Variants in CLASP2 observed in about 807,000 individuals in gnomAD.
The protein encoded by CLASP2 is CLIP-associating protein 2.
In CLASP2, 47 loss-of-function variants were observed where a neutral mutation model predicts 194.4. The ratio of observed to expected loss-of-function variants is 0.24; its 90% CI spans 0.19 to 0.31. CLASP2 has a LOEUF of 0.31. Ranked by LOEUF, CLASP2 falls within the 10% of genes least tolerant of loss-of-function variation. The pLI, the probability that CLASP2 is intolerant of heterozygous loss-of-function variation, is 1.00. For missense variants in CLASP2, 1,445 were observed against 1,823.6 expected, an observed-to-expected ratio of 0.79 and a Z score of 3.78; for synonymous variants, 619 against 633.5, an observed-to-expected ratio of 0.98 and a Z score of 0.34.
chr3:33,500,903 C>T (rs1016873101), intron 38 of CLASP2, among the ~76,000 whole-genome samples: 125 of 152,080 alleles, frequency 8.2e-4, no homozygotes, highest in African/African-American at 3.0e-3. Flanking sequence ...TAATTCAAAA[C>T]AATTATTATC....
intron 12 of CLASP2, among the ~76,000 whole-genome samples, chr3:33,618,869 G>C (rs1241288224): frequency 6.6e-6 from 1 of 152,116 alleles, no homozygotes; most frequent in Non-Finnish European, 1.5e-5. Context: ...CAAGATATGA[G>C]TGAAGAGAAA....
chr3:33,551,483 ATGAT>A, intron 29 of CLASP2, 88 bp from the exon 30 acceptor site: 2 of 1,333,050 alleles, frequency 1.5e-6, no homozygotes, highest in Non-Finnish European at 2.0e-6. Flanking sequence ...GGTGATGATG[ATGAT>A]TTTTTTTTTT....
intron 29 of CLASP2, among the ~76,000 whole-genome samples, chr3:33,555,195 A>C (rs1238129783): frequency 6.6e-6 from 1 of 152,186 alleles, no homozygotes. Flanking sequence ...AAATATATAG[A>C]ATTTTTACTT....
chr3:33,602,297 G>C (rs992262976), intron 18 of CLASP2: 2 of 495,912 alleles, frequency 4.0e-6, no homozygotes, highest in Admixed American at 3.4e-5. Context: ...TCATGTTGGT[G>C]CTCAAAAAGT....
intron 8 of CLASP2, among the ~76,000 whole-genome samples, chr3:33,638,259 T>C (rs2080557077): frequency 6.6e-6 from 1 of 152,152 alleles, no homozygotes; most frequent in South Asian, 2.1e-4. Flanking sequence ...TCTCCGTTGT[T>C]TGATTTAACA....
chr3:33,713,010 CTCAAAA>C (rs1367617737), intron 1 of CLASP2, among the ~76,000 whole-genome samples: 2 of 79,394 alleles, frequency 2.5e-5, no homozygotes, highest in Non-Finnish European at 2.3e-5. Flanking sequence ...AAAACTCCAC[CTCAAAA>C]AAAAAAAAAA....
At chr3:33,665,014 T>A (rs1456427082) in intron 6 of CLASP2, among the ~76,000 whole-genome samples, 2 of 151,644 alleles carry the variant, frequency 1.3e-5, no homozygotes, top group Non-Finnish European at 2.9e-5. Context: ...GGCACAAGAA[T>A]CGCTTGAACC....
At chr3:33,550,636 T>C (rs1004383938) in intron 30 of CLASP2, among the ~76,000 whole-genome samples, 1 of 151,602 alleles carries the variant, frequency 6.6e-6, no homozygotes, top group African/African-American at 2.4e-5. Flanking sequence ...GTTGAAAATA[T>C]TATGATACTT....
chr3:33,649,748 A>AT (rs2082876200), intron 7 of CLASP2, among the ~76,000 whole-genome samples: 1 of 152,214 alleles, frequency 6.6e-6, no homozygotes, highest in African/African-American at 2.4e-5. Flanking sequence ...AAAGTAAATC[A>AT]TAAGTAAGAT....
chr3:33,556,706 G>A (rs1016755041), intron 29 of CLASP2, among the ~76,000 whole-genome samples: 3 of 151,958 alleles, frequency 2.0e-5, no homozygotes, highest in South Asian at 2.1e-4. Flanking sequence ...CAAAGTGCTG[G>A]GATCACAGGC....
At chr3:33,547,250 G>C (rs1023977446) in intron 30 of CLASP2, among the ~76,000 whole-genome samples, 3 of 152,174 alleles carry the variant, frequency 2.0e-5, no homozygotes, top group African/African-American at 7.2e-5. Context: ...TCTTGTGGTA[G>C]TGAATAAGTC....
At chr3:33,654,831 T>C (rs1458911811) in intron 7 of CLASP2, among the ~76,000 whole-genome samples, 1 of 152,154 alleles carries the variant, frequency 6.6e-6, no homozygotes, top group Non-Finnish European at 1.5e-5. Context: ...GTCAGTTCTA[T>C]ACAAAGTTTA....
chr3:33,590,596 A>T (rs2068534844), intron 21 of CLASP2, among the ~76,000 whole-genome samples: 1 of 152,332 alleles, frequency 6.6e-6, no homozygotes, highest in East Asian at 1.9e-4. Flanking sequence ...TTGAGATAAA[A>T]GTTTTCCCAT....
At chr3:33,612,983 T>G (rs1233824472) in intron 12 of CLASP2, among the ~76,000 whole-genome samples, 1 of 152,156 alleles carries the variant, frequency 6.6e-6, no homozygotes, top group Non-Finnish European at 1.5e-5. Context: ...AGGTTGACTA[T>G]GGTTAACAAC....
chr3:33,568,553 C>CAAAAAAAAAAAAAAACAAAAA (rs2063172583), intron 26 of CLASP2, among the ~76,000 whole-genome samples: 1 of 56,844 alleles, frequency 1.8e-5, no homozygotes, highest in African/African-American at 7.6e-5. Flanking sequence ...GATCTTGTCT[C>CAAAAAAAAAAAAAAACAAAAA]AAAAAAAAAA....
At chr3:33,556,052 G>C (rs1348289028) in intron 29 of CLASP2, among the ~76,000 whole-genome samples, 1 of 152,158 alleles carries the variant, frequency 6.6e-6, no homozygotes. Flanking sequence ...TAAAGGATGT[G>C]AAATTCTTTA....
chr3:33,544,923 A>G, intron 30 of CLASP2, 82 bp from the exon 31 acceptor site: 1 of 983,304 alleles, frequency 1.0e-6, no homozygotes. Flanking sequence ...TTTCTGTTCA[A>G]TAGCACGAAG....
chr3:33,539,171 T>C (rs1442771778), intron 32 of CLASP2, among the ~76,000 whole-genome samples: 5 of 152,268 alleles, frequency 3.3e-5, no homozygotes, highest in East Asian at 3.9e-4. Flanking sequence ...CCTTAATAAC[T>C]AGTTTGTCTT....
chr3:33,602,045 ACT>A (rs1336875423), intron 18 of CLASP2, among the ~76,000 whole-genome samples: 5 of 142,642 alleles, frequency 3.5e-5, no homozygotes, highest in African/African-American at 1.3e-4. Context: ...ACGGAGTCTC[ACT>A]CTGTCGCCCA....
Sources: allele counts gnomAD v4.1 joint callset (sites outside exome capture counted in the v4.1 genomes callset), GRCh38; gene constraint gnomAD v4.1.1; transcripts MANE v1.5; gene names NCBI Gene and HGNC (gene_info 2026-07-23, HGNC 2026-07-21).